SYCP2: variants seen among roughly 807,000 people sequenced by gnomAD.
The protein encoded by SYCP2 is synaptonemal complex lateral element protein.
Under a neutral mutation model 211.3 loss-of-function variants are expected in SYCP2, and 55 were observed. That is an observed-to-expected ratio of 0.26 (90% CI 0.21 to 0.33). The LOEUF is 0.33. Among genes scored for constraint, SYCP2 ranks in the 10% least tolerant of loss-of-function variants. The probability of loss-of-function intolerance (pLI) is 1.00; values close to 1 mark genes in which losing one functional copy is unlikely to be tolerated. For missense variants in SYCP2, 1,731 were observed against 1,752.0 expected, an observed-to-expected ratio of 0.99 and a Z score of 0.21; for synonymous variants, 570 against 555.2, an observed-to-expected ratio of 1.03 and a Z score of -0.37.
Position 59,922,452 on chromosome 20 carries a change from A to G in SYCP2, c.-39T>C, listed in dbSNP as rs564842376. 9.4e-6 allele frequency: 13 copies of G among 1,386,202 alleles called. 1 individual carries two copies. In the East Asian group the frequency reaches 2.8e-4, roughly 30 times the overall value. 85.9% of individuals were successfully genotyped at this position (1,386,202 alleles called of 1,614,324 possible). ...AAAAAAAAAAAAAAAGCAAGACAAA[A>G]TAAACACCTATAAAAGAAAACATAT... On this transcript the variant is annotated 5_prime_UTR_variant, in exon 3 of 45. Coordinates refer to ENST00000357552, the MANE Select transcript of SYCP2 (RefSeq NM_014258.4).
rs976439394 is a variant in SYCP2 at position 59,886,089 on chromosome 20, C to T, written c.2493-125G>A. On this transcript the variant is annotated intron_variant, in intron 25 of 44. Coordinates refer to ENST00000357552, the MANE Select transcript of SYCP2 (RefSeq NM_014258.4). ...AATGTTAAAAATAACCAAAATGTAA[C>T]AGTAATAGTCTGATAGTTTTGCTAC... The T allele has an allele frequency of 4.5e-6, 3 of 673,980 alleles. No homozygotes were observed. In the African/African-American group the frequency reaches 5.6e-5, roughly 13 times the overall value. 41.7% of individuals were successfully genotyped at this position (673,980 alleles called of 1,614,324 possible). A position where few individuals can be genotyped will look rare whatever the true frequency, so the allele number is the denominator to read the frequency against.
chr20:59,932,596 C>G (rs1210632476), intron 1 of SYCP2, among the ~76,000 whole-genome samples: 1 of 151,766 alleles, frequency 6.6e-6, no homozygotes, highest in African/African-American at 2.4e-5. Context: ...ATCGCTGGAA[C>G]CCGGAAGATG....
intron 20 of SYCP2, 78 bp downstream of exon 20, chr20:59,895,359 G>C: frequency 8.3e-7 from 1 of 1,211,422 alleles, no homozygotes; most frequent in Non-Finnish European, 1.1e-6. Flanking sequence ...CTTGCAGCTT[G>C]CAAAAGGAGT....
At chr20:59,914,453 C>T (rs2060393794) in intron 10 of SYCP2, among the ~76,000 whole-genome samples, 1 of 151,668 alleles carries the variant, frequency 6.6e-6, no homozygotes, top group Non-Finnish European at 1.5e-5. Flanking sequence ...ACAAGTGTGC[C>T]AACAGAAGAA....
rs1174484210 is a variant in SYCP2, at chr20:59,892,603, C to T, written c.1892G>A (p.Arg631Lys). 6.2e-7 allele frequency: 1 copy of T among 1,609,148 alleles called. No individual in the cohort carries two copies. Among genetic ancestry groups the T allele is most frequent in the Admixed American group, 1.7e-5 (1 of 59,192 alleles). ...TGTGTCTCCTGACGAAGTACTTGCTCTTTGGTTATTACATAGTTCAATGTT... is the reference window on the plus strand; with the variant it reads ...TGTGTCTCCTGACGAAGTACTTGCTTTTTGGTTATTACATAGTTCAATGTT... ...VTNIELCNNQ[R>K]ASTSSGDTLN... The change falls in exon 23 of 45, where the codon AGA becomes AAA. Residue 631 changes from arginine to lysine, a missense_variant. This residue lies in a region of SYCP2 where 1,387 missense variants were observed against 1,351.3 expected (regional missense o/e 1.03). Coordinates refer to ENST00000357552, the MANE Select transcript of SYCP2 (RefSeq NM_014258.4).
intron 24 of SYCP2, among the ~76,000 whole-genome samples, chr20:59,890,395 T>C (rs1341196455): frequency 1.3e-5 from 2 of 151,876 alleles, no homozygotes; most frequent in African/African-American, 4.8e-5. Flanking sequence ...CTGGGGCCTG[T>C]TGGGGGGTGG....
chr20:59,870,831 C>G (rs540500300), intron 35 of SYCP2, among the ~76,000 whole-genome samples: 32 of 151,702 alleles, frequency 2.1e-4, no homozygotes, highest in African/African-American at 7.5e-4. Context: ...GATCACCCAG[C>G]CTATGACTAA....
At position 59,866,555 on chromosome 20, in the gene SYCP2, T is replaced by C; in HGVS notation, c.4160A>G (p.Gln1387Arg). The C allele has an allele frequency of 1.2e-6, 2 of 1,605,002 alleles. No homozygotes were observed. Among genetic ancestry groups the C allele is most frequent in the Non-Finnish European group, 1.7e-6 (2 of 1,176,638 alleles). The change falls in exon 40 of 45, where the codon CAG becomes CGG. Residue 1387 changes from glutamine to arginine, a missense_variant. Around this residue, in one of 3 missense-constraint regions of SYCP2, gnomAD observed 1,387 missense variants for 1,351.3 expected, o/e 1.03. Coordinates refer to ENST00000357552, the MANE Select transcript of SYCP2 (RefSeq NM_014258.4). ...ATGTTGCTGAGCTGTTTTCCAAGAC[T>C]GCGTAGTAAAATAACTCAACATTTT... Reference protein sequence around the residue: ...RHKMLSYFTTQSWKTAQQHLR... With the variant: ...RHKMLSYFTTRSWKTAQQHLR...
intron 5 of SYCP2, 31 bp from the exon 6 acceptor site, chr20:59,919,628 C>T (rs768675910): frequency 1.5e-6 from 2 of 1,350,234 alleles, no homozygotes; most frequent in Non-Finnish European, 2.1e-6. Flanking sequence ...ATTAGAGTTC[C>T]ATTTTAATAA....
In SYCP2 at chr20:59,868,857, G is replaced by C. The variant is rs1251350036; in HGVS notation, c.3810C>G (p.Pro1270=). ...AACCTGATACATGAGTAGCATCACA[G>C]GGCATGTCAAACCACGTTTTCTCTC... is the stretch of plus-strand genomic sequence containing the variant. ...EGREKTWFDM[P]CDATHVSGPT... is the part of the protein sequence containing the mutation. Residue 1270 remains proline, a synonymous_variant, in exon 37 of 45, where the codon CCC becomes CCG. Coordinates refer to ENST00000357552, the MANE Select transcript of SYCP2 (RefSeq NM_014258.4). The C allele has an allele frequency of 3.1e-6, 5 of 1,609,840 alleles. No homozygotes were observed. Among genetic ancestry groups the C allele is most frequent in the East Asian group, 2.2e-5 (1 of 44,696 alleles).
At position 59,919,185 on chromosome 20, in the gene SYCP2, G is replaced by GA. The variant is rs1325912491; in HGVS notation, c.403-4dup. 1.4e-5 allele frequency: 17 copies of GA among 1,219,868 alleles called. No homozygotes were observed. Among genetic ancestry groups the GA allele is most frequent in the Admixed American group, 2.0e-5 (1 of 49,292 alleles). 75.6% of individuals were successfully genotyped at this position (1,219,868 alleles called of 1,614,324 possible). ...TCATCACTGACATCATGTATGACCT[G>GA]AAAAAAAGTGAATAATATTTAATTT... On this transcript the variant is annotated splice_region_variant and splice_polypyrimidine_tract_variant and intron_variant, in intron 6 of 44. Coordinates refer to ENST00000357552, the MANE Select transcript of SYCP2 (RefSeq NM_014258.4).
rs181120945 is a variant in SYCP2, at chr20:59,885,656, G to A, written c.2529+272C>T. Among the ~76,000 whole-genome samples, 1,003 of 145,736 alleles carry A rather than the reference G, an allele frequency of 6.9e-3. 12 individuals carry two copies. The highest frequency in any genetic ancestry group is 0.023 in the African/African-American group (921 of 40,636). ...TAAAAAAATACACACACACACACACGCGCGCACGCGCGATAAGGATATACT... is the reference window on the plus strand; with the variant it reads ...TAAAAAAATACACACACACACACACACGCGCACGCGCGATAAGGATATACT... On this transcript the variant is annotated intron_variant, in intron 26 of 44. Transcript: ENST00000357552.
chr20:59,890,718 C>A (rs2059889931), intron 24 of SYCP2, among the ~76,000 whole-genome samples: 1 of 150,344 alleles, frequency 6.7e-6, no homozygotes, highest in Non-Finnish European at 1.5e-5. Flanking sequence ...TTTTAAAAAT[C>A]AGAGCACAGC....
intron 35 of SYCP2, among the ~76,000 whole-genome samples, chr20:59,872,802 G>A (rs2059478967): frequency 6.6e-6 from 1 of 151,920 alleles, no homozygotes; most frequent in East Asian, 1.9e-4. Context: ...TGCAATGCAG[G>A]TACTTCTTTC....
At position 59,916,473 on chromosome 20, in the gene SYCP2, T is replaced by C. The variant is rs1054765588; in HGVS notation, c.513+13A>G. On this transcript the variant is annotated intron_variant, in intron 8 of 44. Transcript: ENST00000357552. ...TCATTTTTAGTTTTTAAAACACAAA[T>C]AAATGACTTTACCTCTTGCTGAATA... 9 of 1,517,068 alleles carry C rather than the reference T, an allele frequency of 5.9e-6. No individual in the cohort carries two copies. In the Admixed American group the frequency reaches 1.4e-4, roughly 24 times the overall value. 94.0% of individuals were successfully genotyped at this position (1,517,068 alleles called of 1,614,324 possible).
intron 2 of SYCP2, among the ~76,000 whole-genome samples, chr20:59,929,101 G>T (rs1231025707): frequency 6.6e-6 from 1 of 151,996 alleles, no homozygotes. Flanking sequence ...AGCAAAAATG[G>T]AAAAGAAGAA....
At position 59,914,136 on chromosome 20, in the gene SYCP2, T is replaced by C; in HGVS notation, c.750A>G (p.Lys250=). 6.2e-7 allele frequency: 1 copy of C among 1,604,058 alleles called. No homozygotes were observed. The change falls in exon 11 of 45, where the codon AAA becomes AAG. Residue 250 remains lysine (K), a synonymous_variant. Transcript: ENST00000357552. ...FSMDFIAKAF[K]RIKDSEFETD... ...TTTCAAATTCAGAGTCCTTAATTCT[T>C]TTAAATGCCTTAGCAATAAAATCCA... is the stretch of plus-strand genomic sequence containing the variant.
chr20:59,910,387 T>TA lies in SYCP2; in HGVS notation c.972+1362_972+1363insT, dbSNP rs1328629851. On this transcript the variant is annotated intron_variant, in intron 14 of 44. Coordinates refer to ENST00000357552, the MANE Select transcript of SYCP2 (RefSeq NM_014258.4). Reference sequence around the variant, plus strand: ...GTGTAATTGCTTATTTTTTTTTTTTTTTTTTTTTTTTTTGAGACAGTCTCC... The same window carrying TA: ...GTGTAATTGCTTATTTTTTTTTTTTTATTTTTTTTTTTTTGAGACAGTCTCC... Among the ~76,000 whole-genome samples, 37 of 136,442 alleles carry TA rather than the reference T, an allele frequency of 2.7e-4. 2 individuals carry two copies. The highest frequency in any genetic ancestry group is 2.7e-3 in the Admixed American group (37 of 13,846). 89.5% of individuals were successfully genotyped at this position (136,442 alleles called of 152,430 possible).
At chr20:59,926,507 C>A (rs116272177) in intron 2 of SYCP2, among the ~76,000 whole-genome samples, 309 of 152,074 alleles carry the variant, frequency 2.0e-3, no homozygotes, top group African/African-American at 6.8e-3. Context: ...CAAATTTCCC[C>A]TTTTTATAAA....
Sources: allele counts gnomAD v4.1 joint callset (sites outside exome capture counted in the v4.1 genomes callset), GRCh38; gene constraint gnomAD v4.1.1; regional missense constraint gnomAD v4.1.1; transcripts MANE v1.5; gene names NCBI Gene and HGNC (gene_info 2026-07-23, HGNC 2026-07-21).